Variants in MSANTD3 observed in about 807,000 individuals in gnomAD.
The protein encoded by MSANTD3 is myb/SANT-like DNA-binding domain-containing protein 3.
Under a neutral mutation model 27.7 loss-of-function variants are expected in MSANTD3, and 11 were observed. The ratio of observed to expected loss-of-function variants is 0.40; its 90% confidence interval spans 0.25 to 0.66. The LOEUF (loss-of-function observed/expected upper bound fraction) is 0.66. MSANTD3 is among the 30% of genes least tolerant of loss of function. MSANTD3 has a pLI of 0.41. For missense variants in MSANTD3, 250 were observed against 336.5 expected (o/e 0.74, Z 2.01); for synonymous variants, 131 against 127.2 (o/e 1.03, Z -0.20).
chr9:100,430,324 CAAAAAA>C (rs35854801), intron 1 of MSANTD3, among the ~76,000 whole-genome samples: 4 of 96,024 alleles, frequency 4.2e-5, no homozygotes, highest in Non-Finnish European at 4.4e-5. Context: ...GACTCTGTGT[CAAAAAA>C]AAAAAAAAAA....
rs1836637031 is a variant in MSANTD3 at position 100,442,056 on chromosome 9, CG to C, written c.119del (p.Arg40GlnfsTer31). 1 of 1,614,072 alleles carries C rather than the reference CG, an allele frequency of 6.2e-7. No homozygotes were observed. The highest frequency in any genetic ancestry group is 1.3e-5 in the African/African-American group (1 of 74,910). Reference protein sequence around the residue: ...YVLECKKSDARTIALKQRTWQ... With the variant: ...YVLECKKSDAXTIALKQRTWQ... Reference sequence around the variant, plus strand: ...GCTGGAATGTAAGAAAAGTGATGCGCGAACTATTGCCCTTAAGCAGCGTACC... The same window carrying C: ...GCTGGAATGTAAGAAAAGTGATGCGCAACTATTGCCCTTAAGCAGCGTACC... On this transcript the variant is annotated frameshift_variant, in exon 2 of 3. Coordinates refer to ENST00000395067, the MANE Select transcript of MSANTD3 (RefSeq NM_080655.3). LOFTEE classifies it high-confidence loss of function.
At chr9:100,429,037 A>C (rs1478125833) in intron 1 of MSANTD3, among the ~76,000 whole-genome samples, 1 of 152,170 alleles carries the variant, frequency 6.6e-6, no homozygotes, top group Non-Finnish European at 1.5e-5. Context: ...GTTCTCAGCT[A>C]CCAAGGGGGC....
At chr9:100,435,931 G>T (rs1836469305) in intron 1 of MSANTD3, among the ~76,000 whole-genome samples, 1 of 152,170 alleles carries the variant, frequency 6.6e-6, no homozygotes, top group South Asian at 2.1e-4. Context: ...TTTTAAGTTG[G>T]ATAGTAAATG....
At chr9:100,448,537 G>A in intron 2 of MSANTD3, 1 of 985,380 alleles carries the variant, frequency 1.0e-6, no homozygotes, top group Non-Finnish European at 1.2e-6. Flanking sequence ...CCATGGTTGG[G>A]CGTGTTGGGA....
chr9:100,437,946 C>T (rs1836513473), intron 1 of MSANTD3, among the ~76,000 whole-genome samples: 1 of 152,166 alleles, frequency 6.6e-6, no homozygotes, highest in Non-Finnish European at 1.5e-5. Context: ...TACAAGTTAT[C>T]TGCTATTATA....
intron 1 of MSANTD3, among the ~76,000 whole-genome samples, chr9:100,435,775 C>T (rs1182997358): frequency 1.3e-5 from 2 of 152,190 alleles, no homozygotes; most frequent in Non-Finnish European, 2.9e-5. Flanking sequence ...CCCCACTGGA[C>T]CAGGGCCCCA....
intron 1 of MSANTD3, among the ~76,000 whole-genome samples, chr9:100,438,115 C>G (rs989955370): frequency 1.3e-5 from 2 of 152,160 alleles, no homozygotes; most frequent in Non-Finnish European, 2.9e-5. Flanking sequence ...GAATTAATTC[C>G]ATGTAATTTC....
chr9:100,437,121 C>A (rs560582002), intron 1 of MSANTD3, among the ~76,000 whole-genome samples: 85 of 152,082 alleles, frequency 5.6e-4, no homozygotes, highest in Non-Finnish European at 1.0e-3. Flanking sequence ...TACAGTCTTA[C>A]TGGATCAAGG....
intron 1 of MSANTD3, among the ~76,000 whole-genome samples, chr9:100,432,333 G>A (rs1332591350): frequency 1.3e-5 from 2 of 152,158 alleles, no homozygotes; most frequent in Non-Finnish European, 2.9e-5. Flanking sequence ...ATGTACATGT[G>A]CAGGCAGGTA....
intron 1 of MSANTD3, among the ~76,000 whole-genome samples, chr9:100,431,023 A>T (rs1410235353): frequency 3.4e-5 from 5 of 148,840 alleles, no homozygotes; most frequent in Non-Finnish European, 7.4e-5. Context: ...TGTTTTTGAG[A>T]TGGAGTTTTG....
chr9:100,429,950 AC>A (rs1385237307), intron 1 of MSANTD3, among the ~76,000 whole-genome samples: 7 of 151,882 alleles, frequency 4.6e-5, no homozygotes, highest in Non-Finnish European at 8.8e-5. Flanking sequence ...TGATCTGCCC[AC>A]CTTGGCCTCC....
intron 1 of MSANTD3, among the ~76,000 whole-genome samples, chr9:100,440,756 AT>A (rs920490640): frequency 5.0e-3 from 259 of 51,884 alleles, no homozygotes; most frequent in African/African-American, 0.019. Flanking sequence ...ACACCTGGCT[AT>A]TTTTTTTTCT....
chr9:100,440,590 A>AATT (rs778532166), intron 1 of MSANTD3, among the ~76,000 whole-genome samples: 2 of 135,288 alleles, frequency 1.5e-5, no homozygotes, highest in African/African-American at 5.5e-5. Context: ...AAAACGTCAA[A>AATT]TTTTTTTTTT....
At chr9:100,441,386 C>T (rs923631286) in intron 1 of MSANTD3, among the ~76,000 whole-genome samples, 119 of 152,116 alleles carry the variant, frequency 7.8e-4, no homozygotes, top group African/African-American at 2.6e-3. Flanking sequence ...GTAATCCCAG[C>T]ACTTTGGGAG....
rs562191754 is a variant in MSANTD3, at chr9:100,429,091, G to A, written c.-34+1698G>A. ...TGGTGATGATTTGTTAACGTATTGT[G>A]GAAGATCAAGGGCTGGACTCAGGCA... On this transcript the variant is annotated intron_variant, in intron 1 of 2. Coordinates refer to ENST00000395067, the MANE Select transcript of MSANTD3 (RefSeq NM_080655.3). Among the ~76,000 whole-genome samples the A allele has an allele frequency of 3.9e-5, 6 of 152,278 alleles. No individual in the cohort carries two copies. The South Asian group carries it at 1.2e-3, about 32-fold the overall frequency.
rs61744816 is a variant in MSANTD3, at chr9:100,450,651, G to A, written c.513G>A (p.Ser171=). Residue 171 remains serine, a synonymous_variant, in exon 3 of 3, where the codon TCG becomes TCA. Coordinates refer to ENST00000395067, the MANE Select transcript of MSANTD3 (RefSeq NM_080655.3). ...VCEGTSQPEP[S]CSAVRITANK... is the part of the protein sequence containing the mutation. ...AGGGGACCTCTCAACCTGAACCCTC[G>A]TGTTCAGCTGTCAGAATAACAGCCA... 24 of 1,614,032 alleles carry A rather than the reference G, an allele frequency of 1.5e-5. No homozygotes were observed. Among genetic ancestry groups the A allele is most frequent in the East Asian group, 4.5e-5 (2 of 44,872 alleles).
At chr9:100,448,977 G>T (rs779099518) in intron 2 of MSANTD3, 3 of 985,222 alleles carry the variant, frequency 3.0e-6, no homozygotes, top group Non-Finnish European at 3.6e-6. Flanking sequence ...TTTATTAACA[G>T]GGTATTATGA....
intron 2 of MSANTD3, chr9:100,449,071 A>G (rs1836823367): frequency 3.0e-6 from 3 of 985,232 alleles, no homozygotes; most frequent in South Asian, 9.4e-5. Context: ...GTAATCAACT[A>G]TGTTAATAAA....
At chr9:100,431,479 T>A (rs565344573) in intron 1 of MSANTD3, among the ~76,000 whole-genome samples, 1 of 152,098 alleles carries the variant, frequency 6.6e-6, no homozygotes, top group Admixed American at 6.5e-5. Context: ...TTTTAATTTT[T>A]ATTTTTAGAG....
Sources: gnomAD v4.1 joint callset for allele counts (sites outside exome capture counted in the v4.1 genomes callset) on GRCh38, gnomAD v4.1.1 for gene constraint, MANE v1.5 for transcripts, NCBI Gene and HGNC (gene_info 2026-07-23, HGNC 2026-07-21) for gene names.